Variants in ADCY2 observed in about 807,000 individuals in gnomAD.
ADCY2 encodes adenylate cyclase 2.
A neutral mutation model predicts 125.2 loss-of-function variants in ADCY2; 31 were observed. The observed-to-expected ratio is 0.25, with a 90% CI of 0.19 to 0.33. The LOEUF (loss-of-function observed/expected upper bound fraction) is 0.33, where lower values mean the gene tolerates loss of function less well. ADCY2 is among the 10% of genes least tolerant of loss of function. The probability of loss-of-function intolerance (pLI) is 1.00; values close to 1 mark genes in which losing one functional copy is unlikely to be tolerated. For missense variants in ADCY2, 904 were observed against 1,418.2 expected, an observed-to-expected ratio of 0.64 and a Z score of 5.82; for synonymous variants, 512 against 548.4, an observed-to-expected ratio of 0.93 and a Z score of 0.93.
At chr5:7,805,767 T>C (rs535545987) in intron 22 of ADCY2, among the ~76,000 whole-genome samples, 1 of 152,286 alleles carries the variant, frequency 6.6e-6, no homozygotes, top group African/African-American at 2.4e-5. Context: ...AGGAATATCA[T>C]GAGAGGGTCC....
chr5:7,523,185 A>G (rs2126535898), intron 3 of ADCY2, among the ~76,000 whole-genome samples: 1 of 152,342 alleles, frequency 6.6e-6, no homozygotes, highest in South Asian at 2.1e-4. Flanking sequence ...TGTAAGAATC[A>G]AACAGGGTTA....
At chr5:7,548,229 T>G (rs1229819192) in intron 3 of ADCY2, among the ~76,000 whole-genome samples, 2 of 151,884 alleles carry the variant, frequency 1.3e-5, no homozygotes, top group East Asian at 3.8e-4. Context: ...TTTAAATTAA[T>G]TTTTGTCTTC....
chr5:7,525,814 A>C (rs1429593310), intron 3 of ADCY2, among the ~76,000 whole-genome samples: 2 of 152,152 alleles, frequency 1.3e-5, no homozygotes, highest in Non-Finnish European at 2.9e-5. Flanking sequence ...TCCATGATTT[A>C]TGATAGATTT....
At position 7,422,701 on chromosome 5, in the gene ADCY2, A is replaced by G. The variant is rs529988530; in HGVS notation, c.408+7931A>G. Among the ~76,000 whole-genome samples the G allele has an allele frequency of 7.9e-5, 12 of 152,360 alleles. No homozygotes were observed. The South Asian group carries it at 2.5e-3, about 32-fold the overall frequency. On this transcript the variant is annotated intron_variant, in intron 2 of 24. Transcript: ENST00000338316. ...GAAAGGCTAACATTTTTCTCTAGGA[A>G]GGAGAGCCTTTCTTTGTCCTGTTAC...
chr5:7,550,425 T>G (rs1481468354), intron 3 of ADCY2, among the ~76,000 whole-genome samples: 2 of 152,172 alleles, frequency 1.3e-5, no homozygotes, highest in Admixed American at 6.5e-5. Context: ...ACTCTCCCAT[T>G]GTTCTATGGG....
At chr5:7,699,016 C>T (rs1014609286) in intron 7 of ADCY2, among the ~76,000 whole-genome samples, 33 of 145,108 alleles carry the variant, frequency 2.3e-4, no homozygotes, top group African/African-American at 7.2e-4. Flanking sequence ...AGCGTAAAAG[C>T]GCTCCTATTT....
chr5:7,418,231 C>G (rs1427955542), intron 2 of ADCY2, among the ~76,000 whole-genome samples: 2 of 152,144 alleles, frequency 1.3e-5, no homozygotes, highest in Admixed American at 1.3e-4. Flanking sequence ...ATAACCCCAA[C>G]CATTCTGTGG....
chr5:7,806,236 A>G (rs1390922034), intron 22 of ADCY2, among the ~76,000 whole-genome samples: 1 of 152,200 alleles, frequency 6.6e-6, no homozygotes, highest in Non-Finnish European at 1.5e-5. Flanking sequence ...ACTAATTACA[A>G]TTTTAGTTTC....
chr5:7,606,156 G>T (rs1165506356), intron 3 of ADCY2, among the ~76,000 whole-genome samples: 1 of 151,966 alleles, frequency 6.6e-6, no homozygotes, highest in Non-Finnish European at 1.5e-5. Context: ...TCTTGATCTG[G>T]GTGTTGTTTA....
intron 1 of ADCY2, among the ~76,000 whole-genome samples, chr5:7,404,926 C>G (rs73042699): frequency 0.039 from 5,952 of 152,224 alleles, 395 homozygotes; most frequent in African/African-American, 0.13. Flanking sequence ...CTTCATGTGG[C>G]CTCTCTTCAT....
intron 2 of ADCY2, among the ~76,000 whole-genome samples, chr5:7,499,675 ATATATATGTATATATATGTG>A (rs1327715847): frequency 5.2e-4 from 69 of 132,216 alleles, no homozygotes; most frequent in African/African-American, 1.7e-3. Context: ...ATATATATAT[ATATATATGTATATATATGTG>A]TATATATATG....
intron 10 of ADCY2, among the ~76,000 whole-genome samples, chr5:7,711,538 T>A (rs753924345): frequency 6.6e-6 from 1 of 152,166 alleles, no homozygotes; most frequent in Non-Finnish European, 1.5e-5. Context: ...TTTCCAGGTA[T>A]ATTGTTGTTG....
chr5:7,816,095 A>T (rs573097650), intron 22 of ADCY2, among the ~76,000 whole-genome samples: 1 of 152,292 alleles, frequency 6.6e-6, no homozygotes, highest in South Asian at 2.1e-4. Flanking sequence ...ATTTTATCTT[A>T]ATCACCCCTT....
intron 2 of ADCY2, among the ~76,000 whole-genome samples, chr5:7,468,363 G>A (rs572290529): frequency 3.9e-5 from 6 of 152,250 alleles, no homozygotes; most frequent in African/African-American, 1.4e-4. Flanking sequence ...ACTTGGCTAG[G>A]CCAGGACATT....
At position 7,757,604 on chromosome 5, in the gene ADCY2, G is replaced by T. The variant is rs779569301; in HGVS notation, c.2094+18G>T. 1 of 1,606,684 alleles carries T rather than the reference G, an allele frequency of 6.2e-7. No homozygotes were observed. On this transcript the variant is annotated intron_variant, in intron 16 of 24. Coordinates refer to ENST00000338316, the MANE Select transcript of ADCY2 (RefSeq NM_020546.3). The stretch of plus-strand genomic sequence containing the variant: ...TCAACATGGTAAGTCCCAGAGCACG[G>T]CCGTGTTCAACATGGTAAGCCCCAG...
chr5:7,590,384 G>A (rs1005098163), intron 3 of ADCY2, among the ~76,000 whole-genome samples: 3 of 152,094 alleles, frequency 2.0e-5, no homozygotes, highest in Non-Finnish European at 2.9e-5. Context: ...ATACTGCTGC[G>A]AAATTAGATT....
chr5:7,564,379 G>T (rs1735819986), intron 3 of ADCY2, among the ~76,000 whole-genome samples: 1 of 152,170 alleles, frequency 6.6e-6, no homozygotes, highest in Non-Finnish European at 1.5e-5. Flanking sequence ...GATTCATTGT[G>T]ATCTAAGTGC....
intron 18 of ADCY2, among the ~76,000 whole-genome samples, chr5:7,774,923 G>A (rs763081390): frequency 6.6e-6 from 1 of 152,184 alleles, no homozygotes; most frequent in African/African-American, 2.4e-5. Flanking sequence ...ATCTTGCAAT[G>A]TGAAATAATT....
At chr5:7,668,219 A>G (rs1409432846) in intron 4 of ADCY2, among the ~76,000 whole-genome samples, 2 of 152,214 alleles carry the variant, frequency 1.3e-5, no homozygotes, top group African/African-American at 4.8e-5. Context: ...TACCATTTAA[A>G]TCAGTAAACT....
Sources: allele counts gnomAD v4.1 joint callset (sites outside exome capture counted in the v4.1 genomes callset), GRCh38; gene constraint gnomAD v4.1.1; transcripts MANE v1.5; gene names NCBI Gene and HGNC (gene_info 2026-07-23, HGNC 2026-07-21).